The following ARHGAP15 variants were observed in gnomAD, a reference collection of about 807,000 sequenced individuals.
ARHGAP15 encodes Rho GTPase activating protein 15.
Under a neutral mutation model 63.7 loss-of-function variants are expected in ARHGAP15, and 51 were observed. The ratio of observed to expected loss-of-function variants is 0.80; its 90% confidence interval spans 0.64 to 1.01. The LOEUF (loss-of-function observed/expected upper bound fraction) is 1.01. ARHGAP15 is among the 50% of genes least tolerant of loss of function. The probability of loss-of-function intolerance (pLI) is 0.00; values close to 1 mark genes in which losing one functional copy is unlikely to be tolerated. For synonymous variants in ARHGAP15, 191 were observed against 193.8 expected (o/e 0.99, Z 0.12); for missense variants, 560 against 564.6 (o/e 0.99, Z 0.08).
chr2:143,731,617 G>T (rs1205300744), intron 13 of ARHGAP15, among the ~76,000 whole-genome samples: 2 of 152,110 alleles, frequency 1.3e-5, no homozygotes, highest in Admixed American at 6.5e-5. Flanking sequence ...TCAGAGATCT[G>T]GTCCTAACTG....
chr2:143,498,775 C>T (rs1185943168), intron 9 of ARHGAP15, among the ~76,000 whole-genome samples: 1 of 152,112 alleles, frequency 6.6e-6, no homozygotes, highest in Non-Finnish European at 1.5e-5. Context: ...TGGGAGGCAA[C>T]AACCCTGTCA....
chr2:143,737,726 TTTTATTTATTTATTTA>T (rs142591625), intron 13 of ARHGAP15, among the ~76,000 whole-genome samples: 86 of 146,800 alleles, frequency 5.9e-4, no homozygotes, highest in Middle Eastern at 3.5e-3. Flanking sequence ...AACCTATTTA[TTTTATTTATTTATTTA>T]TTTATTTATT....
intron 2 of ARHGAP15, among the ~76,000 whole-genome samples, chr2:143,160,166 A>G (rs184402819): frequency 1.8e-4 from 28 of 152,000 alleles, no homozygotes; most frequent in Non-Finnish European, 1.5e-5. Context: ...CATCTGACCA[A>G]ACATTATGTA....
At chr2:143,549,831 C>T (rs1008783784) in intron 10 of ARHGAP15, among the ~76,000 whole-genome samples, 4 of 152,188 alleles carry the variant, frequency 2.6e-5, no homozygotes, top group African/African-American at 9.6e-5. Context: ...GGGAGAACCC[C>T]TGGCCTATTG....
At chr2:143,349,229 T>A (rs1685448436) in intron 6 of ARHGAP15, among the ~76,000 whole-genome samples, 1 of 152,156 alleles carries the variant, frequency 6.6e-6, no homozygotes, top group Non-Finnish European at 1.5e-5. Flanking sequence ...AACTTGGAAA[T>A]TTAGATCGAT....
chr2:143,159,000 A>T (rs538415140), intron 2 of ARHGAP15, among the ~76,000 whole-genome samples: 1 of 152,060 alleles, frequency 6.6e-6, no homozygotes, highest in South Asian at 2.1e-4. Context: ...AACTGCAGAC[A>T]TATGATTTGC....
At chr2:143,142,250 G>A (rs747506611) in intron 1 of ARHGAP15, among the ~76,000 whole-genome samples, 2 of 152,090 alleles carry the variant, frequency 1.3e-5, no homozygotes, top group East Asian at 1.9e-4. Flanking sequence ...TAAAAAAGCA[G>A]GAGCAGAGGG....
chr2:143,763,718 A>G (rs1559166028), intron 13 of ARHGAP15, among the ~76,000 whole-genome samples: 1 of 147,188 alleles, frequency 6.8e-6, no homozygotes, highest in African/African-American at 2.5e-5. Flanking sequence ...ATGTGTATGT[A>G]TATGTATGTA....
chr2:143,439,143 C>T (rs1021924403), intron 8 of ARHGAP15, among the ~76,000 whole-genome samples: 6 of 152,020 alleles, frequency 3.9e-5, no homozygotes, highest in African/African-American at 1.4e-4. Flanking sequence ...ACAAGGGAGG[C>T]CAGGAGTAGT....
rs1009507058 is a variant in ARHGAP15, at chr2:143,598,439, C to G, written c.1004-25694C>G. On this transcript the variant is annotated intron_variant, in intron 11 of 13. Transcript: ENST00000295095. ...ACACGTGTTAAAATTCCGAGGCCATCATGCTATGTTACACAGATGGTCACC... is the reference window on the plus strand; with the variant it reads ...ACACGTGTTAAAATTCCGAGGCCATGATGCTATGTTACACAGATGGTCACC... Among the ~76,000 whole-genome samples the G allele has an allele frequency of 2.0e-5, 3 of 152,258 alleles. No individual in the cohort carries two copies. The South Asian group carries it at 6.2e-4, about 32-fold the overall frequency.
At chr2:143,149,732 G>C (rs960979196) in intron 1 of ARHGAP15, among the ~76,000 whole-genome samples, 2 of 151,954 alleles carry the variant, frequency 1.3e-5, no homozygotes, top group Non-Finnish European at 2.9e-5. Context: ...GCAAAGGTGA[G>C]TTACACATTT....
At chr2:143,463,536 A>G (rs1008733085) in intron 8 of ARHGAP15, among the ~76,000 whole-genome samples, 1 of 88,612 alleles carries the variant, frequency 1.1e-5, no homozygotes, top group Non-Finnish European at 2.0e-5. Flanking sequence ...GCGAAACTCC[A>G]TCTTGGGGGG....
chr2:143,543,060 A>AG (rs1695174381), intron 10 of ARHGAP15, among the ~76,000 whole-genome samples: 1 of 151,796 alleles, frequency 6.6e-6, no homozygotes, highest in Non-Finnish European at 1.5e-5. Flanking sequence ...ATATATACCC[A>AG]GTGGTGGGAT....
chr2:143,518,993 A>G (rs1171311611), intron 9 of ARHGAP15: 1 of 227,110 alleles, frequency 4.4e-6, no homozygotes, highest in African/African-American at 2.3e-5. Flanking sequence ...ATAGACCACA[A>G]AATTAAGGCC....
At chr2:143,172,483 C>G (rs528275849) in intron 2 of ARHGAP15, among the ~76,000 whole-genome samples, 1 of 152,208 alleles carries the variant, frequency 6.6e-6, no homozygotes, top group East Asian at 1.9e-4. Context: ...TATTAAGGAG[C>G]CTGTCCATCC....
At chr2:143,484,805 C>T (rs182963234) in intron 8 of ARHGAP15, among the ~76,000 whole-genome samples, 13 of 152,246 alleles carry the variant, frequency 8.5e-5, no homozygotes, top group Admixed American at 2.0e-4. Context: ...CAACATATGG[C>T]TCAAACTGCA....
chr2:143,468,663 A>AGAGAGTGT (rs764115175), intron 8 of ARHGAP15, among the ~76,000 whole-genome samples: 11 of 136,238 alleles, frequency 8.1e-5, no homozygotes, highest in Non-Finnish European at 1.1e-4. Context: ...AGAGAGAGAG[A>AGAGAGTGT]GTGTGTGTGT....
intron 6 of ARHGAP15, among the ~76,000 whole-genome samples, chr2:143,337,916 T>C (rs2105277780): frequency 1.3e-5 from 2 of 152,312 alleles, no homozygotes; most frequent in Middle Eastern, 6.8e-3. Flanking sequence ...CAAGGTTTTC[T>C]TCTTGATATA....
intron 10 of ARHGAP15, among the ~76,000 whole-genome samples, chr2:143,523,067 T>C (rs1694121896): frequency 6.6e-6 from 1 of 152,248 alleles, no homozygotes; most frequent in Admixed American, 6.5e-5. Flanking sequence ...TTTGTTGAGG[T>C]CCATTATTTG....
Sources: gnomAD v4.1 joint callset for allele counts (sites outside exome capture counted in the v4.1 genomes callset) on GRCh38, gnomAD v4.1.1 for gene constraint, MANE v1.5 for transcripts, NCBI Gene and HGNC (gene_info 2026-07-23, HGNC 2026-07-21) for gene names.